Variants in SOX6 observed in about 807,000 individuals in gnomAD.
The protein encoded by SOX6 is SRY-box transcription factor 6.
A neutral mutation model predicts 97.8 loss-of-function variants in SOX6; 11 were observed. The observed-to-expected ratio is 0.11, with a 90% CI of 0.07 to 0.19. SOX6 has a LOEUF of 0.19. Among genes scored for constraint, SOX6 ranks in the 10% least tolerant of loss-of-function variants. The pLI, the probability that SOX6 is intolerant of heterozygous loss-of-function variation, is 1.00. For missense variants in SOX6, 810 were observed against 1,039.5 expected, an observed-to-expected ratio of 0.78 and a Z score of 3.04; for synonymous variants, 360 against 371.4, an observed-to-expected ratio of 0.97 and a Z score of 0.35.
chr11:16,559,327 A>C (rs193037700), intron 4 of SOX6, among the ~76,000 whole-genome samples: 1 of 151,364 alleles, frequency 6.6e-6, no homozygotes, highest in East Asian at 2.2e-4. Context: ...CAGTGTTCAC[A>C]TACTGTCAGC....
intron 2 of SOX6, among the ~76,000 whole-genome samples, chr11:16,717,450 C>T (rs1028928725): frequency 1.3e-5 from 2 of 152,018 alleles, no homozygotes; most frequent in Non-Finnish European, 2.9e-5. Context: ...AAAATCTACA[C>T]GTCACCAAAT....
At chr11:16,059,683 A>C (rs1476711135) in intron 9 of SOX6, among the ~76,000 whole-genome samples, 3 of 152,036 alleles carry the variant, frequency 2.0e-5, no homozygotes, top group Non-Finnish European at 4.4e-5. Context: ...TTCTGTATGT[A>C]ATGACTCAGT....
chr11:16,188,189 A>G (rs187927919), intron 4 of SOX6, among the ~76,000 whole-genome samples: 191 of 145,700 alleles, frequency 1.3e-3, no homozygotes, highest in Non-Finnish European at 1.8e-3. Flanking sequence ...AAGCTACCAC[A>G]TTTAGGACTA....
chr11:16,054,889 G>A (rs1847776058), intron 10 of SOX6, among the ~76,000 whole-genome samples: 1 of 152,160 alleles, frequency 6.6e-6, no homozygotes, highest in Non-Finnish European at 1.5e-5. Flanking sequence ...GGTACCAGCT[G>A]CAGCACAAAA....
At chr11:16,269,691 T>G (rs11023897) in intron 3 of SOX6, among the ~76,000 whole-genome samples, 117,732 of 150,596 alleles carry the variant, frequency 0.78, 46,167 homozygotes, top group Non-Finnish European at 0.8. Context: ...TTTAATCTTC[T>G]TTGTTGCTAC....
At chr11:16,205,250 AATG>A (rs1408348467) in intron 4 of SOX6, among the ~76,000 whole-genome samples, 2 of 152,140 alleles carry the variant, frequency 1.3e-5, no homozygotes, top group Non-Finnish European at 2.9e-5. Flanking sequence ...CCATAGTTTA[AATG>A]ATATTTTTTT....
At chr11:15,999,995 T>A (rs1261486103) in intron 13 of SOX6, among the ~76,000 whole-genome samples, 5 of 152,120 alleles carry the variant, frequency 3.3e-5, no homozygotes, top group African/African-American at 1.2e-4. Context: ...CTACACAGAT[T>A]TGATTTTTCA....
At chr11:16,056,324 A>G (rs1156991428) in intron 9 of SOX6, among the ~76,000 whole-genome samples, 1 of 152,150 alleles carries the variant, frequency 6.6e-6, no homozygotes, top group Non-Finnish European at 1.5e-5. Flanking sequence ...ATTTCTAAGG[A>G]TTCTTGGAAG....
chr11:16,153,716 CT>C (rs745428745), intron 6 of SOX6, among the ~76,000 whole-genome samples: 31 of 152,130 alleles, frequency 2.0e-4, no homozygotes, highest in African/African-American at 2.9e-4. Context: ...CCAGTTGCCA[CT>C]TCTGCCGAAA....
At chr11:16,409,632 A>T (rs1858757218) in intron 1 of SOX6, among the ~76,000 whole-genome samples, 1 of 152,172 alleles carries the variant, frequency 6.6e-6, no homozygotes, top group African/African-American at 2.4e-5. Flanking sequence ...GAGAACAAAT[A>T]AGTTTTGTCA....
At chr11:16,298,693 A>G (rs1035877929) in intron 3 of SOX6, among the ~76,000 whole-genome samples, 1 of 152,108 alleles carries the variant, frequency 6.6e-6, no homozygotes, top group Non-Finnish European at 1.5e-5. Flanking sequence ...TAACTCTTAT[A>G]TAAAGAATTA....
intron 4 of SOX6, among the ~76,000 whole-genome samples, chr11:16,198,025 CTGTTGTTGTTGTTGTTGTTGT>C (rs66685848): frequency 0.55 from 82,043 of 149,896 alleles, 22,819 homozygotes; most frequent in East Asian, 0.75. Flanking sequence ...TCAAGATTTC[CTGTTGTTGTTGTTGTTGTTGT>C]TGTTGTTGTT....
chr11:16,435,174 T>A (rs1859351497), intron 1 of SOX6, among the ~76,000 whole-genome samples: 1 of 152,174 alleles, frequency 6.6e-6, no homozygotes, highest in Admixed American at 6.6e-5. Flanking sequence ...CAATAATTTT[T>A]CAGGGTACAA....
chr11:16,578,787 TAAA>T (rs1848006346), intron 4 of SOX6, among the ~76,000 whole-genome samples: 1 of 152,048 alleles, frequency 6.6e-6, no homozygotes, highest in South Asian at 2.1e-4. Flanking sequence ...GTGTCCTGAA[TAAA>T]ACACAATGAG....
At chr11:16,104,888 A>G (rs1201591885) in intron 7 of SOX6, among the ~76,000 whole-genome samples, 1 of 152,066 alleles carries the variant, frequency 6.6e-6, no homozygotes, top group Non-Finnish European at 1.5e-5. Flanking sequence ...AAGACAATGA[A>G]TCAATGATCA....
intron 3 of SOX6, among the ~76,000 whole-genome samples, chr11:16,292,616 C>A (rs967168704): frequency 2.6e-5 from 4 of 152,092 alleles, no homozygotes; most frequent in African/African-American, 9.7e-5. Context: ...GGATTAATGT[C>A]AGAAGAAAGA....
At chr11:16,217,514 A>T (rs1176335418) in intron 4 of SOX6, among the ~76,000 whole-genome samples, 1 of 152,192 alleles carries the variant, frequency 6.6e-6, no homozygotes, top group Non-Finnish European at 1.5e-5. Context: ...TTTAAAAAGG[A>T]TGATTATGAG....
chr11:16,728,110 C>A (rs1848321183), intron 2 of SOX6, among the ~76,000 whole-genome samples: 2 of 152,162 alleles, frequency 1.3e-5, no homozygotes, highest in African/African-American at 4.8e-5. Context: ...AGATAAAATT[C>A]CCATCTCCCT....
intron 3 of SOX6, among the ~76,000 whole-genome samples, chr11:16,696,100 T>C (rs922367049): frequency 5.9e-5 from 9 of 152,220 alleles, no homozygotes; most frequent in African/African-American, 2.2e-4. Flanking sequence ...GTTTCCTATT[T>C]GTCATTTTAA....
Sources: gnomAD v4.1 joint callset for allele counts (sites outside exome capture counted in the v4.1 genomes callset) on GRCh38, gnomAD v4.1.1 for gene constraint, MANE v1.5 for transcripts, NCBI Gene and HGNC (gene_info 2026-07-23, HGNC 2026-07-21) for gene names.